The following ANKFN1 variants were observed in gnomAD, a reference collection of about 807,000 sequenced individuals.
The protein encoded by ANKFN1 is ankyrin repeat and fibronectin type-III domain-containing protein 1.
Under a neutral mutation model 108.7 loss-of-function variants are expected in ANKFN1, and 74 were observed. The observed-to-expected ratio is 0.68, with a 90% confidence interval of 0.56 to 0.83. The LOEUF (loss-of-function observed/expected upper bound fraction) is 0.83. Ranked by LOEUF, ANKFN1 falls within the 40% of genes least tolerant of loss-of-function variation. The probability of loss-of-function intolerance (pLI) is 0.00; values close to 1 mark genes in which losing one functional copy is unlikely to be tolerated. For synonymous variants in ANKFN1, 547 were observed against 516.2 expected, an observed-to-expected ratio of 1.06 and a Z score of -0.81; for missense variants, 1,505 against 1,382.3, an observed-to-expected ratio of 1.09 and a Z score of -1.41.
chr17:56,046,718 G>C (rs1904684637), intron 4 of ANKFN1, among the ~76,000 whole-genome samples: 1 of 152,012 alleles, frequency 6.6e-6, no homozygotes, highest in Non-Finnish European at 1.5e-5. Context: ...AATGTGGAGG[G>C]GCATTTACAT....
chr17:56,049,923 G>A (rs930807225), intron 4 of ANKFN1, among the ~76,000 whole-genome samples: 12 of 151,958 alleles, frequency 7.9e-5, no homozygotes, highest in Admixed American at 2.6e-4. Context: ...GGGATGGCTC[G>A]GTCAAATGGT....
chr17:56,330,452 G>A (rs1027955191), intron 4 of ANKFN1, among the ~76,000 whole-genome samples: 1 of 152,152 alleles, frequency 6.6e-6, no homozygotes, highest in Non-Finnish European at 1.5e-5. Context: ...TTCAGGGTGA[G>A]ATTTGGGTGG....
At chr17:56,050,386 C>A (rs1041566897) in intron 4 of ANKFN1, among the ~76,000 whole-genome samples, 3 of 142,600 alleles carry the variant, frequency 2.1e-5, no homozygotes, top group Non-Finnish European at 3.0e-5. Flanking sequence ...TGCAGAAGCT[C>A]TTTAGTTTAA....
At chr17:56,111,969 G>T (rs1228114110) in intron 4 of ANKFN1, among the ~76,000 whole-genome samples, 1 of 152,162 alleles carries the variant, frequency 6.6e-6, no homozygotes, top group East Asian at 1.9e-4. Context: ...AGAGTATGTT[G>T]CCTGGGCTAT....
At chr17:56,461,221 A>T (rs1330551506) in intron 14 of ANKFN1, among the ~76,000 whole-genome samples, 3 of 152,200 alleles carry the variant, frequency 2.0e-5, no homozygotes, top group Admixed American at 6.5e-5. Flanking sequence ...CTTCTGGATA[A>T]AGATTCACTT....
intron 4 of ANKFN1, 133 bp downstream of exon 4, chr17:56,326,488 A>T (rs2045520280): frequency 8.6e-7 from 1 of 1,168,218 alleles, no homozygotes; most frequent in African/African-American, 1.6e-5. Flanking sequence ...AGTTAGCTGC[A>T]GGTGGTCCAT....
rs545598041 is a variant in ANKFN1 at position 56,315,538 on chromosome 17, C to A, written c.54-10683C>A. Among the ~76,000 whole-genome samples the A allele has an allele frequency of 8.9e-4, 136 of 152,300 alleles. 1 individual carries two copies. Among genetic ancestry groups the A allele is most frequent in the African/African-American group, 3.0e-3 (124 of 41,562 alleles). On this transcript the variant is annotated intron_variant, in intron 3 of 20. Coordinates refer to ENST00000682825, the MANE Select transcript of ANKFN1 (RefSeq NM_001370326.1). The stretch of plus-strand genomic sequence containing the variant: ...TCTGAGCAAAATCTTGTACTTTTCT[C>A]CCAAATAGTGAAGGAAGTGAATAAG...
intron 1 of ANKFN1, among the ~76,000 whole-genome samples, chr17:56,156,205 G>T (rs982545645): frequency 1.3e-5 from 2 of 151,452 alleles, no homozygotes; most frequent in Non-Finnish European, 2.9e-5. Context: ...TCAACCTCTC[G>T]AGTAGTTGGG....
intron 8 of ANKFN1, among the ~76,000 whole-genome samples, chr17:56,428,351 G>T (rs947769326): frequency 7.6e-6 from 1 of 132,080 alleles, no homozygotes; most frequent in Admixed American, 8.6e-5. Context: ...ATAAACCATT[G>T]CAGTTTTGAT....
At chr17:56,107,372 G>A (rs1905770529) in intron 4 of ANKFN1, among the ~76,000 whole-genome samples, 1 of 152,204 alleles carries the variant, frequency 6.6e-6, no homozygotes, top group Admixed American at 6.5e-5. Context: ...CCAATCGCTA[G>A]ACCATCATTC....
intron 4 of ANKFN1, among the ~76,000 whole-genome samples, chr17:56,054,181 A>C (rs1479774495): frequency 6.6e-6 from 1 of 152,238 alleles, no homozygotes; most frequent in Non-Finnish European, 1.5e-5. Flanking sequence ...CAAAGAGCTG[A>C]AAGTAGATCT....
chr17:56,051,993 C>T (rs1162969421), intron 4 of ANKFN1, among the ~76,000 whole-genome samples: 7 of 145,912 alleles, frequency 4.8e-5, no homozygotes, highest in South Asian at 2.3e-4. Context: ...GGCCATACTG[C>T]CCAAGGTAAT....
At chr17:56,101,433 C>T (rs1480235358) in intron 4 of ANKFN1, among the ~76,000 whole-genome samples, 1 of 152,196 alleles carries the variant, frequency 6.6e-6, no homozygotes, top group Non-Finnish European at 1.5e-5. Flanking sequence ...TCATTTGTGT[C>T]AAAAGCCATG....
chr17:56,066,875 A>G (rs1286578972), intron 4 of ANKFN1, among the ~76,000 whole-genome samples: 2 of 152,168 alleles, frequency 1.3e-5, no homozygotes, highest in African/African-American at 4.8e-5. Flanking sequence ...AGGTTCATCC[A>G]TGTTGTAACG....
At chr17:56,358,339 A>C (rs1396106643) in intron 6 of ANKFN1, among the ~76,000 whole-genome samples, 1 of 151,980 alleles carries the variant, frequency 6.6e-6, no homozygotes, top group Non-Finnish European at 1.5e-5. Context: ...GACTTAACTA[A>C]CTCCCAAACC....
chr17:56,128,999 T>G (rs1161496821), intron 4 of ANKFN1, among the ~76,000 whole-genome samples: 1 of 152,200 alleles, frequency 6.6e-6, no homozygotes, highest in East Asian at 1.9e-4. Flanking sequence ...ATACTACATA[T>G]AAATATACAT....
chr17:56,133,566 G>A (rs1399362646), intron 4 of ANKFN1, among the ~76,000 whole-genome samples: 1 of 111,156 alleles, frequency 9.0e-6, no homozygotes, highest in Non-Finnish European at 1.9e-5. Context: ...GTGTGTGTGT[G>A]TGTGTGTACA....
chr17:56,055,492 G>A (rs1206602218), intron 4 of ANKFN1, among the ~76,000 whole-genome samples: 3 of 144,060 alleles, frequency 2.1e-5, no homozygotes, highest in Non-Finnish European at 4.5e-5. Flanking sequence ...ATATATATAT[G>A]TGTGTGTGTA....
intron 8 of ANKFN1, among the ~76,000 whole-genome samples, chr17:56,377,248 A>C (rs1226573957): frequency 2.0e-5 from 3 of 152,162 alleles, no homozygotes; most frequent in East Asian, 3.8e-4. Flanking sequence ...TCTGTTTCTC[A>C]TTTGTTTACA....
Sources: gnomAD v4.1 joint callset for allele counts (sites outside exome capture counted in the v4.1 genomes callset) on GRCh38, gnomAD v4.1.1 for gene constraint, MANE v1.5 for transcripts, NCBI Gene and HGNC (gene_info 2026-07-23, HGNC 2026-07-21) for gene names.